The following SCAND3 variants were observed in gnomAD, a reference collection of about 807,000 sequenced individuals.
SCAND3 encodes the protein SCAN domain containing 3.
chr6:28,594,681 T>A, the SCAND3 span, among the ~76,000 whole-genome samples: 4 of 152,136 alleles, frequency 2.6e-5, no homozygotes, highest in African/African-American at 9.7e-5. Context: ...ATATATACAA[T>A]GAAATACTAT....
At chr6:28,612,234 T>G in the SCAND3 span, among the ~76,000 whole-genome samples, 1 of 152,048 alleles carries the variant, frequency 6.6e-6, no homozygotes, top group Non-Finnish European at 1.5e-5. Context: ...GAGGCGGGGT[T>G]TCATCGTGTT....
chr6:28,586,328 C>A, the SCAND3 span: 3 of 1,611,466 alleles, frequency 1.9e-6, no homozygotes, highest in Non-Finnish European at 2.5e-6. The surrounding 1 kb of genome is among the most constrained non-coding windows in gnomAD (Gnocchi z 4.4). Flanking sequence ...GCTCCCTCTC[C>A]AAATCTTCCA....
At chr6:28,582,694 G>A in the SCAND3 span, among the ~76,000 whole-genome samples, 1 of 152,062 alleles carries the variant, frequency 6.6e-6, no homozygotes, top group Non-Finnish European at 1.5e-5. The surrounding 1 kb of genome is among the most constrained non-coding windows in gnomAD (Gnocchi z 4.8). Context: ...AGGCTGACGC[G>A]GGCGGATCAT....
At chr6:28,573,086 C>G in the SCAND3 span, 8 of 1,607,576 alleles carry the variant, frequency 5.0e-6, no homozygotes, top group Non-Finnish European at 6.8e-6. Flanking sequence ...GGCAAAGAGG[C>G]TGAAAAAAAG....
chr6:28,578,498 T>C, the SCAND3 span, among the ~76,000 whole-genome samples: 1 of 152,138 alleles, frequency 6.6e-6, no homozygotes, highest in Admixed American at 6.5e-5. Context: ...AAAATAACAA[T>C]AATGGTAAGT....
chr6:28,581,511 T>G, the SCAND3 span, among the ~76,000 whole-genome samples: 1 of 152,238 alleles, frequency 6.6e-6, no homozygotes, highest in South Asian at 2.1e-4. Context: ...TAGAAGAAGG[T>G]AGTTGCTGGC....
chr6:28,594,777 C>A, the SCAND3 span, among the ~76,000 whole-genome samples: 1 of 151,654 alleles, frequency 6.6e-6, no homozygotes, highest in African/African-American at 2.4e-5. Context: ...ATAGCCAGAC[C>A]CAAAAAGAAA....
At chr6:28,574,683 T>C in the SCAND3 span, 4 of 1,614,060 alleles carry the variant, frequency 2.5e-6, no homozygotes, top group Admixed American at 3.3e-5. Context: ...GTGTCCCTGA[T>C]GGCTTTAGCA....
the SCAND3 span, chr6:28,571,746 TAC>T: frequency 1.3e-4 from 84 of 655,040 alleles, 2 homozygotes; most frequent in South Asian, 1.5e-3. Context: ...ATTGAAAATA[TAC>T]ATATAGGCAA....
the SCAND3 span, among the ~76,000 whole-genome samples, chr6:28,598,876 C>CAAAAAAAAAAAAAAAA: frequency 1.6e-4 from 12 of 74,258 alleles, no homozygotes; most frequent in South Asian, 5.7e-4. Context: ...GACTATGTCT[C>CAAAAAAAAAAAAAAAA]AAAAAAAAAA....
At chr6:28,604,181 G>A in the SCAND3 span, among the ~76,000 whole-genome samples, 11 of 152,126 alleles carry the variant, frequency 7.2e-5, no homozygotes, top group African/African-American at 1.2e-4. Flanking sequence ...CAAAGAATTC[G>A]CAGTTGTGTT....
chr6:28,572,979 A>G, the SCAND3 span: 1 of 1,613,912 alleles, frequency 6.2e-7, no homozygotes, highest in Non-Finnish European at 8.5e-7. The surrounding 1 kb of genome is among the most constrained non-coding windows in gnomAD (Gnocchi z 4.1). Flanking sequence ...CTGCACCATC[A>G]GAACATACTC....
the SCAND3 span, among the ~76,000 whole-genome samples, chr6:28,597,435 G>T: frequency 2.0e-5 from 3 of 151,772 alleles, no homozygotes; most frequent in African/African-American, 7.3e-5. Context: ...TGCTAAGCGT[G>T]GCAAAGTCAT....
chr6:28,586,247 G>A, the SCAND3 span: 1 of 1,473,872 alleles, frequency 6.8e-7, no homozygotes. This position sits in a 1 kb window ranked among gnomAD's most constrained non-coding sequence, Gnocchi z 4.4. Context: ...ACTCCATTCT[G>A]GATCCATGCA....
the SCAND3 span, chr6:28,586,688 G>A: frequency 2.8e-3 from 4,490 of 1,613,890 alleles, 17 homozygotes; most frequent in Non-Finnish European, 2.8e-3. The surrounding 1 kb of genome is among the most constrained non-coding windows in gnomAD (Gnocchi z 4.4). Flanking sequence ...GGCCAGCCAA[G>A]GCTGGGAAGA....
the SCAND3 span, chr6:28,575,141 C>T: frequency 2.5e-6 from 4 of 1,614,006 alleles, no homozygotes; most frequent in Non-Finnish European, 2.5e-6. The surrounding 1 kb of genome is among the most constrained non-coding windows in gnomAD (Gnocchi z 4.2). Context: ...GAGCTAAATG[C>T]ACTTTCACAT....
chr6:28,611,107 G>A, the SCAND3 span, among the ~76,000 whole-genome samples: 540 of 152,222 alleles, frequency 3.5e-3, 3 homozygotes, highest in African/African-American at 0.011. Flanking sequence ...AATGGCTATC[G>A]TCAAAATGGA....
the SCAND3 span, chr6:28,571,265 G>C: frequency 6.6e-6 from 1 of 152,258 alleles, no homozygotes; most frequent in African/African-American, 2.4e-5. Flanking sequence ...AGTGAGCAGA[G>C]ATTGCACCAA....
the SCAND3 span, chr6:28,579,547 G>A: frequency 2.0e-4 from 170 of 845,292 alleles, no homozygotes; most frequent in East Asian, 4.3e-3. This position sits in a 1 kb window ranked among gnomAD's most constrained non-coding sequence, Gnocchi z 4.5. Flanking sequence ...TTAAGTACAA[G>A]ATAAAACATG....
Sources: gnomAD v4.1 joint callset for allele counts (sites outside exome capture counted in the v4.1 genomes callset) on GRCh38, gnomAD v4.1.1 for gene constraint, Gnocchi (gnomAD v3.1) non-coding constraint, MANE v1.5 for transcripts, NCBI Gene and HGNC (gene_info 2026-07-23, HGNC 2026-07-21) for gene names.